CNTN5: variants seen among roughly 807,000 people sequenced by gnomAD.
CNTN5 encodes contactin-5.
Under a neutral mutation model 129.1 loss-of-function variants are expected in CNTN5, and 77 were observed. The observed-to-expected ratio is 0.60, with a 90% CI of 0.50 to 0.72. The LOEUF (loss-of-function observed/expected upper bound fraction) is 0.72. Ranked by LOEUF, CNTN5 falls within the 30% of genes least tolerant of loss-of-function variation. The probability of loss-of-function intolerance (pLI) is 0.00; values close to 1 mark genes in which losing one functional copy is unlikely to be tolerated. For missense variants in CNTN5, 1,478 were observed against 1,328.8 expected, an observed-to-expected ratio of 1.11 and a Z score of -1.75; for synonymous variants, 509 against 465.6, an observed-to-expected ratio of 1.09 and a Z score of -1.20.
chr11:99,759,673 A>G (rs1442333973), intron 3 of CNTN5, among the ~76,000 whole-genome samples: 1 of 151,028 alleles, frequency 6.6e-6, no homozygotes, highest in Admixed American at 6.6e-5. Flanking sequence ...TAGTCAGACT[A>G]AGAAAGATAG....
chr11:99,790,039 T>C (rs1196471765), intron 3 of CNTN5, among the ~76,000 whole-genome samples: 3 of 152,092 alleles, frequency 2.0e-5, no homozygotes, highest in Admixed American at 2.0e-4. Flanking sequence ...TTTGGTTTTC[T>C]GTTGCTGTGT....
intron 1 of CNTN5, among the ~76,000 whole-genome samples, chr11:99,081,579 G>T (rs919989374): frequency 6.6e-6 from 1 of 152,044 alleles, no homozygotes; most frequent in Non-Finnish European, 1.5e-5. Flanking sequence ...TCTACTTATT[G>T]ATCCTTCTAA....
intron 9 of CNTN5, among the ~76,000 whole-genome samples, chr11:100,057,791 GA>G (rs1943297072): frequency 6.6e-6 from 1 of 151,918 alleles, no homozygotes; most frequent in South Asian, 2.1e-4. Context: ...GGAAAATACA[GA>G]AAACATATAT....
chr11:99,917,406 T>A (rs947884177), intron 7 of CNTN5, among the ~76,000 whole-genome samples: 1 of 152,112 alleles, frequency 6.6e-6, no homozygotes, highest in African/African-American at 2.4e-5. Context: ...AAGACAAAAA[T>A]TTTTATTACA....
chr11:99,712,544 G>A (rs1357976431), intron 3 of CNTN5, among the ~76,000 whole-genome samples: 2 of 152,020 alleles, frequency 1.3e-5, no homozygotes, highest in Non-Finnish European at 2.9e-5. Context: ...TAGTCATGAA[G>A]TCTTTGCCCA....
At chr11:99,745,833 TTATAAA>T (rs1369683416) in intron 3 of CNTN5, among the ~76,000 whole-genome samples, 1 of 152,136 alleles carries the variant, frequency 6.6e-6, no homozygotes, top group Non-Finnish European at 1.5e-5. Context: ...TCTAAGGCAC[TTATAAA>T]TAGTAAGGAA....
intron 1 of CNTN5, among the ~76,000 whole-genome samples, chr11:99,222,243 C>T (rs1224828834): frequency 6.7e-6 from 1 of 150,320 alleles, no homozygotes; most frequent in African/African-American, 2.5e-5. Context: ...TCCATCGATA[C>T]AAACATGAAA....
At chr11:100,344,227 A>T (rs1383017834) in intron 23 of CNTN5, among the ~76,000 whole-genome samples, 2 of 152,166 alleles carry the variant, frequency 1.3e-5, no homozygotes, top group Non-Finnish European at 2.9e-5. Context: ...TATATATTCC[A>T]CCTTTTACAT....
intron 2 of CNTN5, among the ~76,000 whole-genome samples, chr11:99,521,446 A>G (rs760867315): frequency 6.6e-6 from 1 of 152,200 alleles, no homozygotes; most frequent in East Asian, 1.9e-4. Flanking sequence ...CTCTAAAAAA[A>G]TAATTTTAGG....
chr11:99,857,049 T>G (rs1379810899), intron 6 of CNTN5, among the ~76,000 whole-genome samples: 1 of 146,880 alleles, frequency 6.8e-6, no homozygotes, highest in Admixed American at 6.8e-5. Flanking sequence ...TCTCTCTCCC[T>G]CCCTCCCTCT....
intron 3 of CNTN5, among the ~76,000 whole-genome samples, chr11:99,679,525 G>A (rs1447347627): frequency 6.6e-6 from 1 of 151,984 alleles, no homozygotes; most frequent in African/African-American, 2.4e-5. Context: ...ATTTTTTTGA[G>A]TTGCCACAGA....
rs572340378 is a variant in CNTN5, at chr11:99,594,091, C to A, written c.55+37822C>A. On this transcript the variant is annotated intron_variant, in intron 3 of 24. Transcript: ENST00000524871. ...TATATAGGCCTGATTGTTGTTCTGC[C>A]TAGAATAGTCTCTATTTTTCATGCA... is the stretch of plus-strand genomic sequence containing the variant. 3.4e-4 allele frequency among the ~76,000 whole-genome samples: 51 copies of A among 152,236 alleles called. 2 individuals are homozygous for A. Among genetic ancestry groups the A allele is most frequent in the Middle Eastern group, 3.4e-3 (1 of 294 alleles).
In CNTN5 at chr11:100,038,139, A is replaced by C. The variant is rs1047288357; in HGVS notation, c.981-23073A>C. On this transcript the variant is annotated intron_variant, in intron 9 of 24. Coordinates refer to ENST00000524871, the MANE Select transcript of CNTN5 (RefSeq NM_014361.4). ...AATTTCCCTCTACACACTACTTTGA[A>C]TGTGTCCCAGAGATTCTGGTATGTT... Among the ~76,000 whole-genome samples, 8 of 151,894 alleles carry C rather than the reference A, an allele frequency of 5.3e-5. 2 individuals carry two copies. Among genetic ancestry groups the C allele is most frequent in the Admixed American group, 5.3e-4 (8 of 15,232 alleles).
chr11:99,910,751 A>T (rs560649422), intron 6 of CNTN5, among the ~76,000 whole-genome samples: 2 of 152,182 alleles, frequency 1.3e-5, no homozygotes, highest in South Asian at 2.1e-4. Flanking sequence ...AACTATTTTC[A>T]TTCATTTCCT....
At chr11:99,959,467 G>A (rs982504414) in intron 8 of CNTN5, among the ~76,000 whole-genome samples, 2 of 152,088 alleles carry the variant, frequency 1.3e-5, no homozygotes, top group African/African-American at 4.8e-5. Context: ...ATAGTATACT[G>A]TCCATCCTCC....
In CNTN5 at chr11:100,191,162, A is replaced by C. The variant is rs200512603; in HGVS notation, c.1617A>C (p.Leu539=). 22 of 1,610,460 alleles carry C rather than the reference A, an allele frequency of 1.4e-5. No homozygotes were observed. Among genetic ancestry groups the C allele is most frequent in the Non-Finnish European group, 1.9e-5 (22 of 1,177,438 alleles). The part of the protein sequence containing the change: ...AILPDGSLRI[L]NASKSDEGKY... ...TTCCAGACGGGAGTCTACGGATCCT[A>C]AATGCTTCCAAATCAGACGAGGGAA... The change falls in exon 14 of 25, where the codon CTA becomes CTC. Residue 539 remains leucine (L), a synonymous_variant. Coordinates refer to ENST00000524871, the MANE Select transcript of CNTN5 (RefSeq NM_014361.4).
intron 3 of CNTN5, among the ~76,000 whole-genome samples, chr11:99,789,299 A>G (rs2135426559): frequency 6.6e-6 from 1 of 152,070 alleles, no homozygotes; most frequent in Admixed American, 6.6e-5. Context: ...TGAAGTAGTT[A>G]CTATTATCCT....
chr11:100,005,886 C>T (rs146184385), intron 9 of CNTN5, among the ~76,000 whole-genome samples: 358 of 152,208 alleles, frequency 2.4e-3, no homozygotes, highest in African/African-American at 7.6e-3. Context: ...CCAGCCTTAG[C>T]GGAGTAATTC....
chr11:100,246,032 T>G (rs2031519211), intron 16 of CNTN5, among the ~76,000 whole-genome samples: 2 of 152,160 alleles, frequency 1.3e-5, no homozygotes, highest in African/African-American at 4.8e-5. Flanking sequence ...TATTGAATAT[T>G]CCAATGATAG....
Sources: allele counts gnomAD v4.1 joint callset (sites outside exome capture counted in the v4.1 genomes callset), GRCh38; gene constraint gnomAD v4.1.1; transcripts MANE v1.5; gene names NCBI Gene and HGNC (gene_info 2026-07-23, HGNC 2026-07-21).